The following NFATC1 variants were observed in gnomAD, a reference collection of about 807,000 sequenced individuals.
NFATC1 encodes nuclear factor of activated T cells 1.
Under a neutral mutation model 76.0 loss-of-function variants are expected in NFATC1, and 22 were observed. That is an observed-to-expected ratio of 0.29 (90% CI 0.21 to 0.41). NFATC1 has a LOEUF of 0.41. NFATC1 is among the 10% of genes least tolerant of loss of function. The pLI is 1.00. For missense variants in NFATC1, 1,357 were observed against 1,337.7 expected (o/e 1.01, Z -0.23); for synonymous variants, 704 against 613.1 (o/e 1.15, Z -2.19).
intron 6 of NFATC1, among the ~76,000 whole-genome samples, chr18:79,457,311 C>G (rs1350215665): frequency 2.6e-5 from 4 of 152,150 alleles, no homozygotes; most frequent in African/African-American, 9.7e-5. Context: ...TCCAGGACCC[C>G]TAGAATTGAG....
At chr18:79,521,285 GTC>G (rs2145218710) in intron 9 of NFATC1, among the ~76,000 whole-genome samples, 1 of 62,278 alleles carries the variant, frequency 1.6e-5, no homozygotes, top group African/African-American at 6.8e-5. Flanking sequence ...TGATGTGTGT[GTC>G]TGTGTGTGTG....
At chr18:79,472,629 T>C (rs2088832207) in intron 8 of NFATC1, among the ~76,000 whole-genome samples, 1 of 152,152 alleles carries the variant, frequency 6.6e-6, no homozygotes, top group African/African-American at 2.4e-5. Context: ...ACCTGTGGCC[T>C]CTTCCCCTCC....
chr18:79,416,479 C>CA (rs2085879747), intron 2 of NFATC1, among the ~76,000 whole-genome samples: 2 of 152,150 alleles, frequency 1.3e-5, no homozygotes, highest in African/African-American at 2.4e-5. Flanking sequence ...CCAGACTGTC[C>CA]GCGGGCGCTG....
Position 79,520,156 on chromosome 18 carries a change from A to G in NFATC1, c.2783-7372A>G, listed in dbSNP as rs896414199. ...AGGGGGAAACTTGACGGAGCCCATC[A>G]GGCGACAGCCTTCTCGAAGCCCCTC... On this transcript the variant is annotated intron_variant, in intron 9 of 9. Transcript: ENST00000427363. Among the ~76,000 whole-genome samples the G allele has an allele frequency of 3.4e-5, 5 of 148,236 alleles. No homozygotes were observed. The East Asian group carries it at 9.8e-4, about 29-fold the overall frequency.
intron 4 of NFATC1, among the ~76,000 whole-genome samples, chr18:79,450,546 C>T (rs2087424070): frequency 6.6e-6 from 1 of 152,120 alleles, no homozygotes; most frequent in African/African-American, 2.4e-5. Context: ...TGGCCCCTCC[C>T]CTGGGCCGCT....
At chr18:79,400,299 A>C in intron 1 of NFATC1, 1 of 1,248,512 alleles carries the variant, frequency 8.0e-7, no homozygotes, top group Non-Finnish European at 1.0e-6. Context: ...GGCGGGGGTC[A>C]CGTTACGCGG....
intron 2 of NFATC1, among the ~76,000 whole-genome samples, chr18:79,431,385 C>A (rs964923452): frequency 6.6e-6 from 1 of 152,292 alleles, no homozygotes; most frequent in South Asian, 2.1e-4. Flanking sequence ...GAGACAGAGT[C>A]TTGCCCTGTC....
At chr18:79,440,939 A>G (rs939329448) in intron 3 of NFATC1, among the ~76,000 whole-genome samples, 3 of 152,094 alleles carry the variant, frequency 2.0e-5, no homozygotes, top group African/African-American at 4.8e-5. Context: ...GGGAGCACCC[A>G]TGGGCGTGTG....
At chr18:79,504,816 C>A (rs1427651150) in intron 9 of NFATC1, among the ~76,000 whole-genome samples, 1 of 150,800 alleles carries the variant, frequency 6.6e-6, no homozygotes, top group Non-Finnish European at 1.5e-5. Flanking sequence ...AGGGAAGAGG[C>A]AGGAGACTGC....
At chr18:79,478,097 G>GC (rs1175096611) in intron 8 of NFATC1, among the ~76,000 whole-genome samples, 1 of 105,830 alleles carries the variant, frequency 9.4e-6, no homozygotes, top group Non-Finnish European at 2.0e-5. Flanking sequence ...CCATCCCCAG[G>GC]CCCCCGTTCT....
At chr18:79,494,347 G>A (rs1400467853) in intron 9 of NFATC1, among the ~76,000 whole-genome samples, 2 of 119,376 alleles carry the variant, frequency 1.7e-5, no homozygotes, top group African/African-American at 3.1e-5. Flanking sequence ...AGGCGAGAGC[G>A]GGCACACGCC....
intron 3 of NFATC1, among the ~76,000 whole-genome samples, chr18:79,435,076 C>T (rs568397329): frequency 2.6e-5 from 4 of 152,266 alleles, no homozygotes; most frequent in Admixed American, 6.5e-5. Context: ...TTTTTACTGA[C>T]CGAAAGCTTG....
intron 8 of NFATC1, among the ~76,000 whole-genome samples, chr18:79,480,534 A>C (rs2089235879): frequency 6.6e-6 from 1 of 152,116 alleles, no homozygotes; most frequent in Admixed American, 6.5e-5. Context: ...GCCCCTCGCC[A>C]CCACCATCCT....
chr18:79,467,904 G>A lies in NFATC1; in HGVS notation c.2092+322G>A, dbSNP rs1325558707. The A allele has an allele frequency of 3.4e-6, 4 of 1,163,768 alleles. No homozygotes were observed. In the Admixed American group the frequency reaches 1.4e-4, roughly 40 times the overall value. The allele number at this position is 1,163,768 out of a possible 1,614,324, so 72.1% of individuals were successfully genotyped here. A position where few individuals can be genotyped will look rare whatever the true frequency, so the allele number is the denominator to read the frequency against. ...GCTCCAAAAAACTGAGGGGGTCCTGGTGTGCATTTGCACCCTAAAGCTGCT... is the reference window on the plus strand; with the variant it reads ...GCTCCAAAAAACTGAGGGGGTCCTGATGTGCATTTGCACCCTAAAGCTGCT... On this transcript the variant is annotated intron_variant, in intron 8 of 9. Coordinates refer to ENST00000427363, the MANE Select transcript of NFATC1 (RefSeq NM_001278669.2).
intron 3 of NFATC1, among the ~76,000 whole-genome samples, chr18:79,437,885 C>G (rs2086838445): frequency 6.6e-6 from 1 of 152,246 alleles, no homozygotes; most frequent in Admixed American, 6.5e-5. Flanking sequence ...GCGCTGCTCA[C>G]CTCGGTATGT....
chr18:79,448,982 C>G lies in NFATC1; in HGVS notation c.1587C>G (p.Ala529=), dbSNP rs770764215. 4 of 1,612,920 alleles carry G rather than the reference C, an allele frequency of 2.5e-6. No individual in the cohort carries two copies. In the Admixed American group the frequency reaches 6.7e-5, roughly 27 times the overall value. Reference sequence around the variant, plus strand: ...TCCTGCCGGAGAACAGCATGCGAGCCGTGTAAGCCGCGGGGGACCTCCGGC... The same window carrying G: ...TCCTGCCGGAGAACAGCATGCGAGCGGTGTAAGCCGCGGGGGACCTCCGGC... ...IPLLPENSMR[A]VIDCAGILKL... Residue 529 remains alanine, a splice_region_variant and synonymous_variant, in exon 4 of 10, where the codon GCC becomes GCG. Transcript: ENST00000427363.
intron 2 of NFATC1, among the ~76,000 whole-genome samples, chr18:79,418,045 C>T (rs187933242): frequency 1.2e-3 from 189 of 152,120 alleles, no homozygotes; most frequent in Non-Finnish European, 2.1e-3. Context: ...AGTTTCATTG[C>T]GATGTTGGAA....
chr18:79,400,642 G>C (rs928926870), intron 1 of NFATC1, among the ~76,000 whole-genome samples: 1 of 150,038 alleles, frequency 6.7e-6, no homozygotes, highest in Non-Finnish European at 1.5e-5. Flanking sequence ...GGGGCGTCCT[G>C]GGCTCGGATG....
chr18:79,407,450 A>G (rs962212524), intron 1 of NFATC1, among the ~76,000 whole-genome samples: 1 of 152,088 alleles, frequency 6.6e-6, no homozygotes. Context: ...TTATTGATTT[A>G]TTGATTTATT....
Sources: gnomAD v4.1 joint callset for allele counts (sites outside exome capture counted in the v4.1 genomes callset) on GRCh38, gnomAD v4.1.1 for gene constraint, MANE v1.5 for transcripts, NCBI Gene and HGNC (gene_info 2026-07-23, HGNC 2026-07-21) for gene names.